Variants in CTNNA2 observed in about 807,000 individuals in gnomAD.
CTNNA2 encodes catenin alpha 2, also known as catenin alpha-2.
Under a neutral mutation model 101.0 loss-of-function variants are expected in CTNNA2, and 42 were observed. That is an observed-to-expected ratio of 0.42 (90% CI 0.32 to 0.54). The LOEUF (loss-of-function observed/expected upper bound fraction) is 0.54. CTNNA2 is among the 20% of genes least tolerant of loss of function. The pLI is 0.14. For synonymous variants in CTNNA2, 450 were observed against 456.4 expected (o/e 0.99, Z 0.18); for missense variants, 871 against 1,223.1 (o/e 0.71, Z 4.29).
chr2:80,234,520 AG>A (rs1227625178), intron 7 of CTNNA2, among the ~76,000 whole-genome samples: 2 of 152,204 alleles, frequency 1.3e-5, no homozygotes, highest in Non-Finnish European at 2.9e-5. Flanking sequence ...GACCTCTCAA[AG>A]GTAAAGCAGG....
chr2:80,286,363 T>C (rs1320658315), intron 7 of CTNNA2, among the ~76,000 whole-genome samples: 1 of 152,154 alleles, frequency 6.6e-6, no homozygotes, highest in African/African-American at 2.4e-5. Flanking sequence ...GTCTGGACTC[T>C]GTTCTTTGTA....
At chr2:79,513,579 A>G (rs1020676316) in intron 1 of CTNNA2, among the ~76,000 whole-genome samples, 4 of 152,102 alleles carry the variant, frequency 2.6e-5, no homozygotes, top group African/African-American at 9.7e-5. Flanking sequence ...CAGGGGTTCC[A>G]GAAAATTGGG....
At chr2:79,186,303 A>G (rs1673778215) in intron 1 of CTNNA2, among the ~76,000 whole-genome samples, 1 of 152,202 alleles carries the variant, frequency 6.6e-6, no homozygotes, top group African/African-American at 2.4e-5. Context: ...CCATCTACTC[A>G]TTTTATTCTA....
At chr2:80,402,161 A>G (rs911514872) in intron 8 of CTNNA2, among the ~76,000 whole-genome samples, 1 of 152,180 alleles carries the variant, frequency 6.6e-6, no homozygotes, top group Non-Finnish European at 1.5e-5. Flanking sequence ...TATTATAAAG[A>G]ATATTCAGGT....
At chr2:80,012,299 T>A (rs1693847220) in intron 7 of CTNNA2, among the ~76,000 whole-genome samples, 1 of 152,174 alleles carries the variant, frequency 6.6e-6, no homozygotes, top group Non-Finnish European at 1.5e-5. Flanking sequence ...CCATATGTGT[T>A]GTCTTATTGG....
chr2:79,270,525 C>T (rs1036197303), intron 2 of CTNNA2, among the ~76,000 whole-genome samples: 2 of 152,094 alleles, frequency 1.3e-5, no homozygotes, highest in African/African-American at 4.8e-5. Flanking sequence ...TGACTTCTAC[C>T]TTGCTCTTAC....
At chr2:79,598,331 G>A (rs566723269) in intron 1 of CTNNA2, among the ~76,000 whole-genome samples, 1 of 152,322 alleles carries the variant, frequency 6.6e-6, no homozygotes, top group South Asian at 2.1e-4. Flanking sequence ...ACACCACAGA[G>A]CATGATTGCT....
chr2:80,014,180 T>A (rs560493317), intron 7 of CTNNA2, among the ~76,000 whole-genome samples: 1 of 152,310 alleles, frequency 6.6e-6, no homozygotes, highest in Non-Finnish European at 1.5e-5. Context: ...ACTGTACTCA[T>A]TATTTTTATC....
intron 7 of CTNNA2, among the ~76,000 whole-genome samples, chr2:79,926,219 C>G (rs1687012059): frequency 1.3e-5 from 2 of 152,084 alleles, no homozygotes; most frequent in South Asian, 4.1e-4. Context: ...TCATTATTCC[C>G]CAGTGACTCT....
At chr2:79,635,983 C>T (rs1448578170) in intron 1 of CTNNA2, among the ~76,000 whole-genome samples, 3 of 148,366 alleles carry the variant, frequency 2.0e-5, no homozygotes, top group Non-Finnish European at 3.0e-5. Context: ...TGTGGGGGGC[C>T]GGGTGCGGTG....
chr2:79,598,882 C>G (rs548851620), intron 1 of CTNNA2, among the ~76,000 whole-genome samples: 150 of 152,218 alleles, frequency 9.9e-4, no homozygotes, highest in African/African-American at 3.4e-3. Flanking sequence ...TTGTCATGCT[C>G]AAGGTCATCT....
chr2:79,488,876 C>G (rs1573189632), intron 4 of CTNNA2, among the ~76,000 whole-genome samples: 1 of 152,146 alleles, frequency 6.6e-6, no homozygotes, highest in African/African-American at 2.4e-5. Flanking sequence ...TATTCTAGCT[C>G]TTAACAATTG....
chr2:79,363,389 T>G (rs1452532501), intron 3 of CTNNA2, among the ~76,000 whole-genome samples: 1 of 152,156 alleles, frequency 6.6e-6, no homozygotes, highest in Non-Finnish European at 1.5e-5. Flanking sequence ...GCTAAAAGCA[T>G]CAACATGGAT....
intron 4 of CTNNA2, among the ~76,000 whole-genome samples, chr2:79,389,050 A>G (rs990308181): frequency 5.9e-5 from 9 of 152,228 alleles, no homozygotes; most frequent in African/African-American, 2.2e-4. Flanking sequence ...TCTTATTTGG[A>G]AATTCTCCAG....
chr2:80,580,871 C>A (rs1695475565), intron 13 of CTNNA2, among the ~76,000 whole-genome samples: 2 of 151,966 alleles, frequency 1.3e-5, no homozygotes, highest in African/African-American at 4.8e-5. Flanking sequence ...CAAAAATTAG[C>A]CAAGCATGAT....
rs188642181 is a variant in CTNNA2, at chr2:80,292,244, T to C, written c.1057-100967T>C. ...TTTATAAGGAATAACTCTTTCATTC[T>C]CAGTAACAATGGGCTTAATTCTTAT... On this transcript the variant is annotated intron_variant, in intron 7 of 18. Transcript: ENST00000402739. 4.5e-3 allele frequency among the ~76,000 whole-genome samples: 685 copies of C among 152,296 alleles called. 5 individuals carry two copies. The highest frequency in any genetic ancestry group is 0.016 in the African/African-American group (658 of 41,564).
intron 1 of CTNNA2, among the ~76,000 whole-genome samples, chr2:79,562,405 T>C (rs1319151203): frequency 6.6e-6 from 1 of 152,072 alleles, no homozygotes; most frequent in Admixed American, 6.6e-5. Flanking sequence ...TTTAAAATAA[T>C]GTAGTTAGGT....
At chr2:79,814,888 A>G (rs1167917831) in intron 3 of CTNNA2, among the ~76,000 whole-genome samples, 2 of 152,136 alleles carry the variant, frequency 1.3e-5, no homozygotes, top group Non-Finnish European at 2.9e-5. Flanking sequence ...TTACATTCCT[A>G]CCAGCAGTGT....
intron 3 of CTNNA2, among the ~76,000 whole-genome samples, chr2:79,750,252 A>C (rs754906281): frequency 6.6e-6 from 1 of 152,186 alleles, no homozygotes; most frequent in Non-Finnish European, 1.5e-5. Flanking sequence ...TTGACTATGC[A>C]CTAATTGAGG....
Sources: gnomAD v4.1 joint callset for allele counts (sites outside exome capture counted in the v4.1 genomes callset) on GRCh38, gnomAD v4.1.1 for gene constraint, MANE v1.5 for transcripts, NCBI Gene and HGNC (gene_info 2026-07-23, HGNC 2026-07-21) for gene names.